Variants in MOGAT2 observed in about 807,000 individuals in gnomAD.
MOGAT2 encodes 2-acylglycerol O-acyltransferase 2.
MOGAT2 carries 27 observed loss-of-function variants against 31.5 expected under a neutral mutation model. The observed-to-expected ratio is 0.86, with a 90% CI of 0.63 to 1.18. The LOEUF (loss-of-function observed/expected upper bound fraction) is 1.18, where lower values mean the gene tolerates loss of function less well. Among genes scored for constraint, MOGAT2 ranks in the 50% most tolerant of loss-of-function variants. The pLI, the probability that MOGAT2 is intolerant of heterozygous loss-of-function variation, is 0.00. For missense variants in MOGAT2, 436 were observed against 433.2 expected (o/e 1.01, Z -0.06); for synonymous variants, 163 against 170.0 (o/e 0.96, Z 0.32).
Position 75,720,136 on chromosome 11 carries a change from T to C in MOGAT2, c.236T>C (p.Ile79Thr). ...RHIQAIRCWT[I>T]WKYMKDYFPI... ...ATCCAGGCCATCAGGTGCTGGACTATATGGAAGTACATGAAGGACTATTTC... is the reference window on the plus strand; with the variant it reads ...ATCCAGGCCATCAGGTGCTGGACTACATGGAAGTACATGAAGGACTATTTC... The change falls in exon 2 of 6, where the codon ATA becomes ACA. Residue 79 changes from isoleucine (I) to threonine (T), a missense_variant. Ile to Thr is a moderately conservative substitution (Grantham distance 89). Transcript: ENST00000198801. The C allele has an allele frequency of 1.9e-6, 3 of 1,613,898 alleles. No individual in the cohort carries two copies. The highest frequency in any genetic ancestry group is 2.5e-6 in the Non-Finnish European group (3 of 1,179,924).
At chr11:75,725,547 C>CATAA (rs56400236) in intron 2 of MOGAT2, among the ~76,000 whole-genome samples, 85,873 of 146,294 alleles carry the variant, frequency 0.59, 27,243 homozygotes, top group Non-Finnish European at 0.72. Context: ...GACTCTGTCT[C>CATAA]ATAAATAAAT....
Position 75,727,571 on chromosome 11 carries a change from G to A in MOGAT2, c.407G>A (p.Arg136His), listed in dbSNP as rs150654600. ...TTCTCTTCGATCTTCCCCGGTATCC[G>A]CCCCCATCTGATGATGCTGACCTTG... The part of the protein sequence containing the change: ...TGFSSIFPGI[R>H]PHLMMLTLWF... Residue 136 changes from arginine to histidine, a missense_variant, in exon 3 of 6, where the codon CGC becomes CAC. Coordinates refer to ENST00000198801, the MANE Select transcript of MOGAT2 (RefSeq NM_025098.4). 1.5e-5 allele frequency: 24 copies of A among 1,614,018 alleles called. 1 individual carries two copies. The highest frequency in any genetic ancestry group is 1.3e-4 in the South Asian group (12 of 91,090).
At chr11:75,718,939 A>C (rs1179845327) in intron 1 of MOGAT2, among the ~76,000 whole-genome samples, 6 of 151,552 alleles carry the variant, frequency 4.0e-5, no homozygotes, top group Non-Finnish European at 8.8e-5. Flanking sequence ...ACACACTCTG[A>C]ACACATTGCT....
intron 2 of MOGAT2, among the ~76,000 whole-genome samples, chr11:75,723,516 C>T (rs1161822582): frequency 6.7e-6 from 1 of 150,186 alleles, no homozygotes; most frequent in African/African-American, 2.4e-5. Context: ...TAGGGATCCT[C>T]ATTCCTGGGC....
At chr11:75,721,728 C>T (rs1944378334) in intron 2 of MOGAT2, among the ~76,000 whole-genome samples, 2 of 152,192 alleles carry the variant, frequency 1.3e-5, no homozygotes, top group African/African-American at 2.4e-5. Context: ...ACCTACGTAA[C>T]TTCTCCCACC....
intron 2 of MOGAT2, among the ~76,000 whole-genome samples, chr11:75,723,672 G>A (rs570044248): frequency 6.6e-6 from 1 of 152,286 alleles, no homozygotes; most frequent in East Asian, 1.9e-4. Context: ...TTAGAGGTGT[G>A]AGCCACCACA....
intron 2 of MOGAT2, among the ~76,000 whole-genome samples, chr11:75,724,454 G>A (rs1428314059): frequency 6.6e-6 from 1 of 152,146 alleles, no homozygotes; most frequent in Non-Finnish European, 1.5e-5. Flanking sequence ...CCTGCACTGT[G>A]GGAGGGCCTG....
rs1944431967 is a variant in MOGAT2, at chr11:75,727,537, AG to A, written c.374del (p.Ser125ThrfsTer15). ...VGAFANLCTE[S>X]TGFSSIFPGI... Reference sequence around the variant, plus strand: ...AGCCTTTGCCAACCTGTGCACTGAGAGCACAGGCTTCTCTTCGATCTTCCCC... The same window carrying A: ...AGCCTTTGCCAACCTGTGCACTGAGACACAGGCTTCTCTTCGATCTTCCCC... On this transcript the variant is annotated frameshift_variant, in exon 3 of 6. Coordinates refer to ENST00000198801, the MANE Select transcript of MOGAT2 (RefSeq NM_025098.4). LOFTEE classifies it high-confidence loss of function. 1.2e-6 allele frequency: 2 copies of A among 1,614,016 alleles called. No individual in the cohort carries two copies. The highest frequency in any genetic ancestry group is 1.7e-6 in the Non-Finnish European group (2 of 1,179,918).
chr11:75,721,041 G>A, intron 2 of MOGAT2, among the ~76,000 whole-genome samples: 1 of 152,106 alleles, frequency 6.6e-6, no homozygotes, highest in East Asian at 1.9e-4. Flanking sequence ...GCAGAGAAGG[G>A]ACAGGCAGGG....
chr11:75,727,924 C>T (rs765641372), intron 3 of MOGAT2, 46 bp from the exon 4 acceptor site: 4 of 1,530,710 alleles, frequency 2.6e-6, no homozygotes, highest in East Asian at 4.5e-5. Context: ...CTTTCATAGC[C>T]CCTGCTCCCT....
rs778289450 is a variant in MOGAT2, at chr11:75,729,004, A to G, written c.850+15A>G. ...CACCACTGTGGGTAAGTCCAGGACCAGGCTGGGAGGGAGGAGGCCAAAGGG... is the reference window on the plus strand; with the variant it reads ...CACCACTGTGGGTAAGTCCAGGACCGGGCTGGGAGGGAGGAGGCCAAAGGG... On this transcript the variant is annotated intron_variant, in intron 5 of 5. Coordinates refer to ENST00000198801, the MANE Select transcript of MOGAT2 (RefSeq NM_025098.4). 1.9e-6 allele frequency: 3 copies of G among 1,612,436 alleles called. No individual in the cohort carries two copies. Among genetic ancestry groups the G allele is most frequent in the South Asian group, 1.1e-5 (1 of 91,018 alleles).
chr11:75,718,376 G>A (rs776489793), intron 1 of MOGAT2, among the ~76,000 whole-genome samples: 14 of 152,156 alleles, frequency 9.2e-5, no homozygotes, highest in Non-Finnish European at 1.8e-4. Flanking sequence ...AGGAAACTGG[G>A]GCTGGTAGTA....
chr11:75,719,895 T>G lies in MOGAT2; in HGVS notation c.92-97T>G, dbSNP rs977777710. On this transcript the variant is annotated intron_variant, in intron 1 of 5. Coordinates refer to ENST00000198801, the MANE Select transcript of MOGAT2 (RefSeq NM_025098.4). ...GCCCGAGGATTGGACAGGACAGTGC[T>G]GCTAGTGCCAGGCCTATGGGCAGAG... The G allele has an allele frequency of 1.1e-5, 13 of 1,232,536 alleles. No homozygotes were observed. In the African/African-American group the frequency reaches 1.9e-4, roughly 18 times the overall value. The allele number at this position is 1,232,536 out of a possible 1,614,324, so 76.3% of individuals were successfully genotyped here.
chr11:75,728,258 G>A (rs1236460437), intron 4 of MOGAT2, 114 bp downstream of exon 4: 2 of 1,241,020 alleles, frequency 1.6e-6, no homozygotes, highest in Non-Finnish European at 2.3e-6. Context: ...GAGATTTTCA[G>A]TCCATTCACA....
chr11:75,718,714 G>T (rs2135729698), intron 1 of MOGAT2, among the ~76,000 whole-genome samples: 1 of 152,274 alleles, frequency 6.6e-6, no homozygotes, highest in East Asian at 1.9e-4. Flanking sequence ...CCACTGATTT[G>T]TGGCCAGAGA....
At chr11:75,727,723 C>A (rs1463502700) in intron 3 of MOGAT2, 84 bp downstream of exon 3, 8 of 1,368,426 alleles carry the variant, frequency 5.8e-6, no homozygotes, top group Non-Finnish European at 8.1e-6. Context: ...CTTCCAAGAG[C>A]GTGTGCAGTA....
Position 75,727,604 on chromosome 11 carries a change from G to C in MOGAT2, c.440G>C (p.Arg147Pro). ...PHLMMLTLWFRAPFFRDYIMS... is the reference protein window; with the variant it reads ...PHLMMLTLWFPAPFFRDYIMS... The stretch of plus-strand genomic sequence containing the variant: ...CTGATGATGCTGACCTTGTGGTTCC[G>C]GGCCCCCTTCTTCAGAGATTACATC... Residue 147 changes from arginine (R) to proline (P), a missense_variant, in exon 3 of 6, where the codon CGG becomes CCG. Physicochemically the swap from Arg to Pro is moderately radical, Grantham distance 103. Transcript: ENST00000198801. 5 of 1,614,112 alleles carry C rather than the reference G, an allele frequency of 3.1e-6. No homozygotes were observed. Among genetic ancestry groups the C allele is most frequent in the Non-Finnish European group, 4.2e-6 (5 of 1,180,010 alleles).
intron 2 of MOGAT2, among the ~76,000 whole-genome samples, chr11:75,724,888 C>T (rs933185191): frequency 1.3e-5 from 2 of 152,160 alleles, no homozygotes; most frequent in African/African-American, 4.8e-5. Flanking sequence ...GGCCCTTTTT[C>T]CCTATCAGGA....
rs1173208345 is a variant in MOGAT2, at chr11:75,720,147, A to G, written c.247A>G (p.Met83Val). Residue 83 changes from methionine (M) to valine (V), a missense_variant, in exon 2 of 6, where the codon ATG becomes GTG. Coordinates refer to ENST00000198801, the MANE Select transcript of MOGAT2 (RefSeq NM_025098.4). ...AIRCWTIWKY[M>V]KDYFPISLVK... The stretch of plus-strand genomic sequence containing the variant: ...CAGGTGCTGGACTATATGGAAGTAC[A>G]TGAAGGACTATTTCCCCATCTCGGT... The G allele has an allele frequency of 1.2e-6, 2 of 1,613,468 alleles. No homozygotes were observed. The highest frequency in any genetic ancestry group is 8.5e-7 in the Non-Finnish European group (1 of 1,179,736).
Sources: gnomAD v4.1 joint callset for allele counts (sites outside exome capture counted in the v4.1 genomes callset) on GRCh38, gnomAD v4.1.1 for gene constraint, MANE v1.5 for transcripts, NCBI Gene and HGNC (gene_info 2026-07-23, HGNC 2026-07-21) for gene names.